The following LMNTD1 variants were observed in gnomAD, a reference collection of about 807,000 sequenced individuals.
LMNTD1 encodes lamin tail domain containing 1.
LMNTD1 carries 35 observed loss-of-function variants against 50.9 expected under a neutral mutation model. That is an observed-to-expected ratio of 0.69 (90% confidence interval 0.53 to 0.91). LMNTD1 has a LOEUF of 0.91. Among genes scored for constraint, LMNTD1 ranks in the 40% least tolerant of loss-of-function variants. LMNTD1 has a pLI of 0.00. For synonymous variants in LMNTD1, 153 were observed against 161.9 expected, an observed-to-expected ratio of 0.94 and a Z score of 0.42; for missense variants, 470 against 475.5, an observed-to-expected ratio of 0.99 and a Z score of 0.11.
rs545389569 is a variant in LMNTD1, at chr12:25,542,341, A to T, written c.491+4033T>A. 9.1e-3 allele frequency among the ~76,000 whole-genome samples: 1,370 copies of T among 150,782 alleles called. 24 individuals carry two copies. The highest frequency in any genetic ancestry group is 0.031 in the African/African-American group (1,290 of 41,136). ...CAACCCAAATGTCCAACAATGATAGACTGGATTAAGAAAGTGTGGCACATA... is the reference window on the plus strand; with the variant it reads ...CAACCCAAATGTCCAACAATGATAGTCTGGATTAAGAAAGTGTGGCACATA... On this transcript the variant is annotated intron_variant, in intron 4 of 9. Transcript: ENST00000458174.
At chr12:25,553,605 G>T (rs1943903001), upstream of LMNTD1, among the ~76,000 whole-genome samples, 1 of 152,038 alleles carries the variant, frequency 6.6e-6, no homozygotes, top group Non-Finnish European at 1.5e-5. Flanking sequence ...CAGCTAGGCA[G>T]CAAGAATAGA....
At chr12:25,572,079 G>A (rs903445935) in intron 1 of LMNTD1, among the ~76,000 whole-genome samples, 19 of 152,074 alleles carry the variant, frequency 1.2e-4, no homozygotes, top group Non-Finnish European at 2.4e-4. Context: ...TGCAAATCAG[G>A]GATCCTCCAT....
chr12:25,546,404 A>C lies in LMNTD1; in HGVS notation c.461T>G (p.Ile154Ser), dbSNP rs1943433625. 6.3e-7 allele frequency: 1 copy of C among 1,591,960 alleles called. No homozygotes were observed. The highest frequency in any genetic ancestry group is 8.6e-7 in the Non-Finnish European group (1 of 1,168,568). Residue 154 changes from isoleucine to serine, a missense_variant, in exon 4 of 10, where the codon ATT becomes AGT. Ile to Ser is a moderately radical substitution (Grantham distance 142, BLOSUM62 -2). Transcript: ENST00000458174. Reference protein sequence around the residue: ...TQKTLKYFSMILEEVGQFTSS... With the variant: ...TQKTLKYFSMSLEEVGQFTSS... ...GGTAAATTGGCCAACTTCTTCAAGA[A>C]TCATAGAAAAGTATTTTAAAGTTTT... is the stretch of plus-strand genomic sequence containing the variant.
chr12:25,483,005 G>A (rs1034587966), intron 9 of LMNTD1, among the ~76,000 whole-genome samples: 2 of 151,998 alleles, frequency 1.3e-5, no homozygotes, highest in Non-Finnish European at 2.9e-5. Flanking sequence ...ACACAGTTCA[G>A]TAATCTCTGC....
At chr12:25,542,480 C>A (rs1461825645) in intron 4 of LMNTD1, among the ~76,000 whole-genome samples, 7 of 146,440 alleles carry the variant, frequency 4.8e-5, no homozygotes, top group African/African-American at 1.8e-4. Flanking sequence ...AACAAAAAAC[C>A]AAACACTGCA....
At chr12:25,518,708 C>A in intron 8 of LMNTD1, 87 bp downstream of exon 8, 1 of 1,165,232 alleles carries the variant, frequency 8.6e-7, no homozygotes, top group Non-Finnish European at 1.2e-6. Flanking sequence ...TAACACTTAG[C>A]ACATTTTAAC....
chr12:25,585,550 C>A lies in LMNTD1; in HGVS notation c.59-38996G>T, dbSNP rs940095042. ...TATGCACATAATAGGAAAAGTAATC[C>A]TTTTCCCCCCAGGTAAAATCTTTTA... On this transcript the variant is annotated intron_variant, in intron 1 of 7. Transcript: ENST00000445693. 3.9e-5 allele frequency among the ~76,000 whole-genome samples: 6 copies of A among 152,288 alleles called. No homozygotes were observed. The East Asian group carries it at 7.7e-4, about 20-fold the overall frequency.
intron 1 of LMNTD1, among the ~76,000 whole-genome samples, chr12:25,636,430 C>T (rs1946836324): frequency 6.6e-6 from 1 of 151,992 alleles, no homozygotes; most frequent in African/African-American, 2.4e-5. Context: ...AATCACAAGG[C>T]AATACTGCCT....
chr12:25,514,148 C>A lies in LMNTD1; in HGVS notation c.1189+4647G>T, dbSNP rs191727197. Among the ~76,000 whole-genome samples, 349 of 152,102 alleles carry A rather than the reference C, an allele frequency of 2.3e-3. 1 individual carries two copies. Among genetic ancestry groups the A allele is most frequent in the African/African-American group, 8.1e-3 (337 of 41,506 alleles). ...AGAGAGCAAAAGAATGATTACGTACCAATAACAACAGGAACAGTGTTATTG... is the reference window on the plus strand; with the variant it reads ...AGAGAGCAAAAGAATGATTACGTACAAATAACAACAGGAACAGTGTTATTG... On this transcript the variant is annotated intron_variant, in intron 8 of 9. Transcript: ENST00000458174.
intron 1 of LMNTD1, among the ~76,000 whole-genome samples, chr12:25,642,838 C>T (rs1946983031): frequency 6.6e-6 from 1 of 152,120 alleles, no homozygotes; most frequent in South Asian, 2.1e-4. Flanking sequence ...TGCCACAGCC[C>T]CAACCTGAGC....
At chr12:25,597,886 G>A (rs1265036225) in intron 1 of LMNTD1, among the ~76,000 whole-genome samples, 1 of 152,106 alleles carries the variant, frequency 6.6e-6, no homozygotes, top group Admixed American at 6.6e-5. Context: ...TTGGCTGTGT[G>A]TCCCCACCCA....
At chr12:25,516,246 T>C (rs1328782230) in intron 8 of LMNTD1, among the ~76,000 whole-genome samples, 1 of 152,160 alleles carries the variant, frequency 6.6e-6, no homozygotes, top group Non-Finnish European at 1.5e-5. Context: ...AAAAAAGTTA[T>C]GTAACGATGT....
chr12:25,630,235 C>A (rs829056), intron 1 of LMNTD1, among the ~76,000 whole-genome samples: 30,093 of 152,016 alleles, frequency 0.2, 3,609 homozygotes, highest in East Asian at 0.5. Context: ...TAATAATAAG[C>A]CCTGGGAGAG....
intron 4 of LMNTD1, among the ~76,000 whole-genome samples, chr12:25,541,926 C>T (rs1156938606): frequency 2.0e-5 from 3 of 152,026 alleles, no homozygotes; most frequent in African/African-American, 4.8e-5. Flanking sequence ...TGAACAGACA[C>T]TTCTCAAAAG....
intron 4 of LMNTD1, among the ~76,000 whole-genome samples, chr12:25,532,081 C>G (rs1942262017): frequency 6.6e-6 from 1 of 152,142 alleles, no homozygotes; most frequent in African/African-American, 2.4e-5. Flanking sequence ...ACTACAATGT[C>G]TGGACCTTAT....
intron 1 of LMNTD1, among the ~76,000 whole-genome samples, chr12:25,561,780 C>T (rs1455239444): frequency 6.6e-6 from 1 of 152,108 alleles, no homozygotes; most frequent in Non-Finnish European, 1.5e-5. Flanking sequence ...GAGTCTAAGT[C>T]TCTTTGTAGG....
chr12:25,493,479 G>A (rs1473196453), intron 9 of LMNTD1, among the ~76,000 whole-genome samples: 1 of 152,156 alleles, frequency 6.6e-6, no homozygotes, highest in Non-Finnish European at 1.5e-5. Context: ...TATTCAAACA[G>A]ATTCTCCTTG....
intron 1 of LMNTD1, among the ~76,000 whole-genome samples, chr12:25,616,184 C>T (rs1946350730): frequency 6.6e-6 from 1 of 151,940 alleles, no homozygotes; most frequent in South Asian, 2.1e-4. Flanking sequence ...AAGAGGGTAA[C>T]ATAGCTGACT....
intron 9 of LMNTD1, among the ~76,000 whole-genome samples, chr12:25,486,313 T>C (rs1205321628): frequency 6.6e-6 from 1 of 150,742 alleles, no homozygotes; most frequent in Non-Finnish European, 1.5e-5. Flanking sequence ...TGTTTGTCTG[T>C]TGTTGGTGTA....
Sources: gnomAD v4.1 joint callset for allele counts (sites outside exome capture counted in the v4.1 genomes callset) on GRCh38, gnomAD v4.1.1 for gene constraint, MANE v1.5 for transcripts, NCBI Gene and HGNC (gene_info 2026-07-23, HGNC 2026-07-21) for gene names.